Variants in FCGR3A observed in about 807,000 individuals in gnomAD.
FCGR3A encodes low affinity immunoglobulin gamma Fc region receptor III-A.
FCGR3A carries 13 observed loss-of-function variants against 24.1 expected under a neutral mutation model. That is an observed-to-expected ratio of 0.54 (90% CI 0.35 to 0.86). FCGR3A has a LOEUF of 0.86. Ranked by LOEUF, FCGR3A falls within the 40% of genes least tolerant of loss-of-function variation. FCGR3A has a pLI of 0.01. For synonymous variants in FCGR3A, 93 were observed against 112.2 expected, an observed-to-expected ratio of 0.83 and a Z score of 1.08; for missense variants, 235 against 298.0, an observed-to-expected ratio of 0.79 and a Z score of 1.56.
rs751006670 is a variant in FCGR3A, at chr1:161,544,988, A to C, written c.320-30T>G. 10 of 1,597,382 alleles carry C rather than the reference A, an allele frequency of 6.3e-6. No homozygotes were observed. In the Admixed American group the frequency reaches 1.5e-4, roughly 24 times the overall value. On this transcript the variant is annotated intron_variant, in intron 3 of 4. Transcript: ENST00000443193. ...AAGACACAGACACCCCAGGCCCGGGAGGCCTCAGCTCTCAGTGCAGAGCTT... is the reference window on the plus strand; with the variant it reads ...AAGACACAGACACCCCAGGCCCGGGCGGCCTCAGCTCTCAGTGCAGAGCTT...
rs2102533993 is a variant in FCGR3A, at chr1:161,548,665, C to T, written c.75G>A (p.Lys25=). The T allele has an allele frequency of 1.2e-6, 2 of 1,613,878 alleles. No individual in the cohort carries two copies. Among genetic ancestry groups the T allele is most frequent in the Admixed American group, 1.7e-5 (1 of 60,010 alleles). ...SAGMRTEDLP[K]AVVFLEPQWY... The stretch of plus-strand genomic sequence containing the variant: ...ATTGAGGCTCCAGGAACACCACAGC[C>T]TTTGGGAGATCTTCTGAGGAGCCAA... Residue 25 remains lysine (K), a synonymous_variant, in exon 3 of 5, where the codon AAG becomes AAA. Transcript: ENST00000443193.
At chr1:161,549,821 C>G (rs530526419), upstream of FCGR3A, 19 of 1,613,714 alleles carry the variant, frequency 1.2e-5, 1 homozygote, top group South Asian at 3.3e-5. Flanking sequence ...AAGTAAACAG[C>G]CTTTCCCCAG....
At chr1:161,549,592 G>T in intron 1 of FCGR3A, 105 bp downstream of exon 1, 1 of 1,529,782 alleles carries the variant, frequency 6.5e-7, no homozygotes. Context: ...ATGTGGTGAG[G>T]GGTCCCATCC....
At position 161,545,028 on chromosome 1, in the gene FCGR3A, G is replaced by A. The variant is rs548349950; in HGVS notation, c.320-70C>T. 2.4e-5 allele frequency: 38 copies of A among 1,575,200 alleles called. 1 individual carries two copies. The African/African-American group carries it at 3.4e-4, about 14-fold the overall frequency. ...GTGCAGAGCTTTGTGAAGGGGCCAC[G>A]TACCACCCAGATCCTGAGACATAAG... On this transcript the variant is annotated intron_variant, in intron 3 of 4. Transcript: ENST00000443193.
intron 3 of FCGR3A, chr1:161,545,615 T>A (rs1232727940): frequency 6.6e-6 from 1 of 152,062 alleles, no homozygotes; most frequent in Admixed American, 6.6e-5. Context: ...GAAATTCTTG[T>A]ATCGCCAGAG....
At chr1:161,550,020 C>T, upstream of FCGR3A, 1 of 695,228 alleles carries the variant, frequency 1.4e-6, no homozygotes, top group Non-Finnish European at 2.4e-6. Context: ...TGAGGACACA[C>T]ACAGAATCTG....
At chr1:161,549,324 A>G (rs1370774396) in intron 1 of FCGR3A, among the ~76,000 whole-genome samples, 1 of 151,968 alleles carries the variant, frequency 6.6e-6, no homozygotes, top group East Asian at 1.9e-4. Flanking sequence ...ACCAAGCTAC[A>G]GAAAGAGCCT....
At chr1:161,544,596 A>C in intron 4 of FCGR3A, 105 bp downstream of exon 4, 1 of 1,293,806 alleles carries the variant, frequency 7.7e-7, no homozygotes, top group Non-Finnish European at 1.1e-6. Context: ...CATATGAAGA[A>C]GTGCGTGTAA....
chr1:161,545,598 A>G (rs1225233545), intron 3 of FCGR3A: 3 of 152,182 alleles, frequency 2.0e-5, no homozygotes, highest in African/African-American at 7.3e-5. Flanking sequence ...CATGGCCTTC[A>G]AGAGAGGAAA....
chr1:161,549,898 G>A (rs1186465987), upstream of FCGR3A: 1 of 1,593,746 alleles, frequency 6.3e-7, no homozygotes, highest in Admixed American at 1.7e-5. Flanking sequence ...TTCTCAGTCT[G>A]AAGTCTGGCA....
At position 161,542,989 on chromosome 1, in the gene FCGR3A, TTATTACCCCCATGGG is replaced by T; in HGVS notation, c.*8_*22del. On this transcript the variant is annotated 3_prime_UTR_variant, in exon 5 of 5. Transcript: ENST00000443193. ...TTCAGAGATGCTGCTGCTACTGCTC[TTATTACCCCCATGGG>T]ATGGGGGTCATTTGTCTTGAGGGTC... 6.3e-7 allele frequency: 1 copy of T among 1,580,552 alleles called. No individual in the cohort carries two copies. The highest frequency in any genetic ancestry group is 1.1e-5 in the South Asian group (1 of 88,624).
Position 161,548,455 on chromosome 1 carries a change from G to A in FCGR3A, c.285C>T (p.Thr95=). ...CTTCTAGCTGCACCGGGTCACTGAG[G>A]GTGGAGAGGTTTGTCTGGCACCTGT... ...GEYRCQTNLS[T]LSDPVQLEVH... is the part of the protein sequence containing the mutation. The change falls in exon 3 of 5, where the codon ACC becomes ACT. Residue 95 remains threonine (T), a synonymous_variant. Transcript: ENST00000443193. The A allele has an allele frequency of 6.2e-7, 1 of 1,613,992 alleles. No homozygotes were observed. The highest frequency in any genetic ancestry group is 8.5e-7 in the Non-Finnish European group (1 of 1,179,858).
chr1:161,545,853 G>C (rs1454440506), intron 3 of FCGR3A: 5 of 152,004 alleles, frequency 3.3e-5, no homozygotes, highest in Non-Finnish European at 7.4e-5. Flanking sequence ...ACAATTTTAA[G>C]TTAAAAAAGC....
chr1:161,546,765 C>T (rs1328815152), intron 3 of FCGR3A, among the ~76,000 whole-genome samples: 8 of 151,716 alleles, frequency 5.3e-5, no homozygotes, highest in African/African-American at 1.7e-4. Flanking sequence ...ATTAGCCGGG[C>T]GTGGTGGCAT....
At position 161,548,629 on chromosome 1, in the gene FCGR3A, C is replaced by T. The variant is rs752370305; in HGVS notation, c.111G>A (p.Val37=). ...VVFLEPQWYR[V]LEKDSVTLKC... ...TCAGAGTCACACTGTCCTTCTCGAG[C>T]ACCCTGTACCATTGAGGCTCCAGGA... Residue 37 remains valine, a synonymous_variant, in exon 3 of 5, where the codon GTG becomes GTA. Transcript: ENST00000443193. 1.2e-6 allele frequency: 2 copies of T among 1,613,936 alleles called. No individual in the cohort carries two copies. The highest frequency in any genetic ancestry group is 2.2e-5 in the South Asian group (2 of 91,058).
chr1:161,548,508 C>G lies in FCGR3A; in HGVS notation c.232G>C (p.Ala78Pro), dbSNP rs771557708. ...SSQASSYFID[A>P]ATVDDSGEYR... ...TCTCCACTGTCGTCGACTGTGGCAG[C>G]GTCAATGAAGTAGCTCGAGGCCTGG... The change falls in exon 3 of 5, where the codon GCT becomes CCT. Residue 78 changes from alanine (A) to proline (P), a missense_variant. Ala to Pro is a conservative substitution (Grantham distance 27). Transcript: ENST00000443193. 7.5e-5 allele frequency: 121 copies of G among 1,613,936 alleles called. 1 individual carries two copies. In the South Asian group the frequency reaches 1.2e-3, roughly 17 times the overall value.
chr1:161,546,674 G>A (rs569673115), intron 3 of FCGR3A, among the ~76,000 whole-genome samples: 269 of 151,514 alleles, frequency 1.8e-3, no homozygotes, highest in African/African-American at 5.9e-3. Context: ...GGGAGGCCGA[G>A]GTGGGCAGAT....
rs1677178815 is a variant in FCGR3A at position 161,542,843 on chromosome 1, C to T, written c.*169G>A. ...CCCTGCTTGAAGATCATGGGCTTTT[C>T]CCTTCCACTGGAGACCAAGGAAAAG... On this transcript the variant is annotated 3_prime_UTR_variant, in exon 5 of 5. Transcript: ENST00000443193. The T allele has an allele frequency of 1.8e-6, 1 of 548,062 alleles. No homozygotes were observed. Among genetic ancestry groups the T allele is most frequent in the Admixed American group, 3.3e-5 (1 of 30,476 alleles). 33.9% of individuals were successfully genotyped at this position (548,062 alleles called of 1,614,324 possible). A position where few individuals can be genotyped will look rare whatever the true frequency, so the allele number is the denominator to read the frequency against.
chr1:161,549,707 C>A lies in FCGR3A; in HGVS notation c.30G>T (p.Leu10=), dbSNP rs1311034268. The change falls in exon 1 of 5, where the codon CTG becomes CTT. Residue 10 remains leucine (L), a synonymous_variant. Transcript: ENST00000443193. MWQLLLPTA[L]LLLVSAGMRT... is the part of the protein sequence containing the mutation. ...GAGACCCTGACTTACCTAGAAGTAG[C>A]AGAGCAGTTGGGAGGAGCAGCTGCC... 15 of 1,613,772 alleles carry A rather than the reference C, an allele frequency of 9.3e-6. No individual in the cohort carries two copies. The highest frequency in any genetic ancestry group is 1.3e-5 in the Non-Finnish European group (15 of 1,179,858).
Sources: allele counts gnomAD v4.1 joint callset (sites outside exome capture counted in the v4.1 genomes callset), GRCh38; gene constraint gnomAD v4.1.1; transcripts MANE v1.5; gene names NCBI Gene and HGNC (gene_info 2026-07-23, HGNC 2026-07-21).